Variants in EDA observed in about 807,000 individuals in gnomAD.
The protein encoded by EDA is ectodysplasin-A.
Under a neutral mutation model 23.6 loss-of-function variants are expected in EDA, and 2 were observed. That is an observed-to-expected ratio of 0.08 (90% CI 0.03 to 0.27). EDA has a LOEUF of 0.27. EDA is among the 10% of genes least tolerant of loss of function. The pLI is 1.00. For missense variants in EDA, 229 were observed against 324.2 expected (o/e 0.71, Z 2.26); for synonymous variants, 131 against 132.0 (o/e 0.99, Z 0.05).
Position 69,680,995 on chromosome X carries a change from G to T in EDA, c.396+64291G>T, listed in dbSNP as rs1212971308. On this transcript the variant is annotated intron_variant, in intron 1 of 7. Transcript: ENST00000374552. ...TTTCCATGTTTAGCGCTTCCTTCAG[G>T]AGCTCTTTTAGGGCAGGCCTGGTGG... Among the ~76,000 whole-genome samples the T allele has an allele frequency of 4.7e-3, 502 of 107,344 alleles. 5 individuals carry two copies. The highest frequency in any genetic ancestry group is 0.016 in the African/African-American group (483 of 29,295). The allele number at this position is 107,344 out of a possible 115,157, so 93.2% of individuals were successfully genotyped here. A position where few individuals can be genotyped will look rare whatever the true frequency, so the allele number is the denominator to read the frequency against.
At chrX:69,768,640 T>C (rs994782802) in intron 1 of EDA, among the ~76,000 whole-genome samples, 1 of 111,990 alleles carries the variant, frequency 8.9e-6, no homozygotes, top group African/African-American at 3.2e-5. Flanking sequence ...TCCTCCATAA[T>C]TGTTCTTTTT....
At chrX:69,661,333 AGAAG>A (rs779269591) in intron 1 of EDA, among the ~76,000 whole-genome samples, 3 of 102,744 alleles carry the variant, frequency 2.9e-5, no homozygotes, top group Non-Finnish European at 5.9e-5. Context: ...TTTGCTGTGC[AGAAG>A]CTCTTTAGTT....
At chrX:69,750,272 G>T (rs1393995671) in intron 1 of EDA, among the ~76,000 whole-genome samples, 1 of 102,080 alleles carries the variant, frequency 9.8e-6, no homozygotes, top group African/African-American at 3.6e-5. Flanking sequence ...AACATGCGGT[G>T]TTTGGTTTTC....
intron 1 of EDA, among the ~76,000 whole-genome samples, chrX:69,785,553 T>C (rs1291412019): frequency 1.8e-5 from 2 of 110,946 alleles, no homozygotes; most frequent in Non-Finnish European, 3.8e-5. Context: ...GAAATAATCA[T>C]GTGGTTTTTG....
intron 1 of EDA, among the ~76,000 whole-genome samples, chrX:69,923,503 G>C (rs927748540): frequency 8.9e-6 from 1 of 111,771 alleles, no homozygotes; most frequent in South Asian, 3.8e-4. Flanking sequence ...ATTCCATGGT[G>C]TATATGTGCC....
intron 1 of EDA, among the ~76,000 whole-genome samples, chrX:69,735,706 C>A (rs1025063022): frequency 4.5e-5 from 5 of 111,159 alleles, no homozygotes; most frequent in African/African-American, 1.6e-4. Flanking sequence ...CTCTTGAGAC[C>A]ATGGTTGCCA....
chrX:69,850,387 TC>T (rs1310186756), intron 1 of EDA, among the ~76,000 whole-genome samples: 1 of 112,024 alleles, frequency 8.9e-6, no homozygotes, highest in African/African-American at 3.2e-5. Flanking sequence ...TTTCTCAAAT[TC>T]CCTTTGGTTC....
chrX:69,786,048 C>T (rs1345038581), intron 1 of EDA, among the ~76,000 whole-genome samples: 1 of 108,990 alleles, frequency 9.2e-6, no homozygotes, highest in Non-Finnish European at 1.9e-5. Context: ...AGGAATTTAT[C>T]CATTTCTTCT....
intron 1 of EDA, among the ~76,000 whole-genome samples, chrX:69,783,376 C>T (rs1335069018): frequency 1.6e-4 from 18 of 109,133 alleles, no homozygotes; most frequent in East Asian, 8.7e-4. Context: ...CATGCTGGTG[C>T]GCTGCACCCA....
intron 1 of EDA, among the ~76,000 whole-genome samples, chrX:69,851,071 A>G (rs779420850): frequency 4.5e-5 from 5 of 111,577 alleles, no homozygotes; most frequent in African/African-American, 1.6e-4. Flanking sequence ...TAAAAGTAAA[A>G]TTTATTTAGA....
intron 1 of EDA, among the ~76,000 whole-genome samples, chrX:69,718,876 G>A (rs1009344033): frequency 3.6e-5 from 4 of 111,768 alleles, no homozygotes; most frequent in Non-Finnish European, 5.6e-5. Flanking sequence ...TAAAGTTTAT[G>A]TTAATTCCTC....
chrX:69,864,761 C>A (rs1395647115), intron 1 of EDA, among the ~76,000 whole-genome samples: 1 of 111,583 alleles, frequency 9.0e-6, no homozygotes, highest in Admixed American at 9.5e-5. Flanking sequence ...GAGGCTGAGG[C>A]GGGTGGATCA....
chrX:69,616,874 G>C, intron 1 of EDA, 170 bp downstream of exon 1: 1 of 652,580 alleles, frequency 1.5e-6, no homozygotes, highest in Non-Finnish European at 2.3e-6. Flanking sequence ...GTTGTCTTCG[G>C]TCCCTGGCCC....
intron 1 of EDA, among the ~76,000 whole-genome samples, chrX:69,628,479 G>T (rs933517244): frequency 9.0e-5 from 10 of 111,428 alleles, no homozygotes; most frequent in African/African-American, 3.3e-4. Context: ...CCTCAAGACA[G>T]ATTCAGCTAA....
chrX:69,745,296 A>C (rs2013584170), intron 1 of EDA, among the ~76,000 whole-genome samples: 1 of 111,828 alleles, frequency 8.9e-6, no homozygotes, highest in African/African-American at 3.3e-5. Flanking sequence ...ATAGTTCATT[A>C]ATGGATGCCA....
chrX:69,893,747 A>G (rs759389094), intron 1 of EDA, among the ~76,000 whole-genome samples: 1 of 112,724 alleles, frequency 8.9e-6, no homozygotes, highest in South Asian at 3.6e-4. Context: ...AAATTAGTAC[A>G]TAAACCAGTT....
intron 5 of EDA, 70 bp from the exon 6 acceptor site, chrX:70,030,399 C>T: frequency 1.0e-6 from 1 of 957,702 alleles, no homozygotes; most frequent in East Asian, 3.2e-5. Flanking sequence ...AGGATGGAAA[C>T]ATGGGACTGG....
intron 2 of EDA, among the ~76,000 whole-genome samples, chrX:69,993,191 A>C (rs2019613883): frequency 9.1e-6 from 1 of 110,058 alleles, no homozygotes; most frequent in South Asian, 3.7e-4. Flanking sequence ...TAATATAAAA[A>C]AGTAAAATAA....
At chrX:69,833,812 T>G (rs959472788) in intron 1 of EDA, among the ~76,000 whole-genome samples, 1 of 111,251 alleles carries the variant, frequency 9.0e-6, no homozygotes, top group South Asian at 3.8e-4. Context: ...TCTTTCTTTA[T>G]ATATATATAC....
Sources: gnomAD v4.1 joint callset for allele counts (sites outside exome capture counted in the v4.1 genomes callset) on GRCh38, gnomAD v4.1.1 for gene constraint, MANE v1.5 for transcripts, NCBI Gene and HGNC (gene_info 2026-07-23, HGNC 2026-07-21) for gene names.